The following RB1 variants were observed in gnomAD, a reference collection of about 807,000 sequenced individuals.
RB1 encodes RB transcriptional corepressor 1.
Under a neutral mutation model 135.4 loss-of-function variants are expected in RB1, and 18 were observed. That is an observed-to-expected ratio of 0.13 (90% confidence interval 0.09 to 0.20). The LOEUF (loss-of-function observed/expected upper bound fraction) is 0.20. Ranked by LOEUF, RB1 falls within the 10% of genes least tolerant of loss-of-function variation. The pLI is 1.00. For synonymous variants in RB1, 365 were observed against 373.2 expected (o/e 0.98, Z 0.25); for missense variants, 868 against 1,110.0 (o/e 0.78, Z 3.10).
intron 1 of RB1, among the ~76,000 whole-genome samples, chr13:48,304,733 A>T (rs984102691): frequency 2.6e-5 from 4 of 152,016 alleles, no homozygotes; most frequent in African/African-American, 9.7e-5. Context: ...TTCATGAGAC[A>T]TTTACCAGAA....
chr13:48,304,586 G>C (rs1214576505), intron 1 of RB1, among the ~76,000 whole-genome samples: 2 of 152,072 alleles, frequency 1.3e-5, no homozygotes, highest in Non-Finnish European at 2.9e-5. Context: ...AGTGTCCATT[G>C]CCCACAGGAT....
In RB1 at chr13:48,318,404, G is replaced by T; in HGVS notation, c.264+10998G>T. 6.0e-6 allele frequency: 9 copies of T among 1,501,512 alleles called. No homozygotes were observed. The South Asian group carries it at 1.0e-4, about 18-fold the overall frequency. 93.0% of individuals were successfully genotyped at this position (1,501,512 alleles called of 1,614,324 possible). A position where few individuals can be genotyped will look rare whatever the true frequency, so the allele number is the denominator to read the frequency against. On this transcript the variant is annotated intron_variant, in intron 2 of 26. Transcript: ENST00000267163. ...TGGACCTTAAGTCCTTGATGGCCGTGTCCAGGTCCTCGTCACTGTCCAGGG... is the reference window on the plus strand; with the variant it reads ...TGGACCTTAAGTCCTTGATGGCCGTTTCCAGGTCCTCGTCACTGTCCAGGG...
At chr13:48,477,580 T>C (rs1949512000) in intron 26 of RB1, among the ~76,000 whole-genome samples, 176 bp downstream of exon 26, 1 of 152,214 alleles carries the variant, frequency 6.6e-6, no homozygotes, top group Admixed American at 6.5e-5. Context: ...AAATGTATGA[T>C]GTAAAATGAA....
chr13:48,359,020 A>T (rs74408428), intron 6 of RB1, among the ~76,000 whole-genome samples: 4,301 of 152,164 alleles, frequency 0.028, 104 homozygotes, highest in South Asian at 0.039. Context: ...TTTTCTCACA[A>T]AGTTTCTGCA....
chr13:48,319,700 GA>G lies in RB1; in HGVS notation c.264+12295del, dbSNP rs200422703. The G allele has an allele frequency of 6.4e-3, 1,629 of 256,114 alleles. 35 individuals carry two copies. The highest frequency in any genetic ancestry group is 0.035 in the African/African-American group (1,521 of 43,780). The allele number at this position is 256,114 out of a possible 1,614,324, so 15.9% of individuals were successfully genotyped here. A position where few individuals can be genotyped will look rare whatever the true frequency, so the allele number is the denominator to read the frequency against. ...CGGCTAGCTCTTCGTGGGATTTCAA[GA>G]GTGACTTGGTCGAATTTTCGTTTGG... is the stretch of plus-strand genomic sequence containing the variant. On this transcript the variant is annotated intron_variant, in intron 2 of 26. Coordinates refer to ENST00000267163, the MANE Select transcript of RB1 (RefSeq NM_000321.3). This position sits in a 1 kb window ranked among gnomAD's most constrained non-coding sequence, Gnocchi z 5.0.
chr13:48,431,943 C>T (rs1435042492), intron 17 of RB1, among the ~76,000 whole-genome samples: 2 of 151,986 alleles, frequency 1.3e-5, no homozygotes, highest in Non-Finnish European at 2.9e-5. Flanking sequence ...GTACCAGGTG[C>T]TTTTCTAGGT....
chr13:48,317,148 C>G, intron 2 of RB1: 1 of 842,766 alleles, frequency 1.2e-6, no homozygotes, highest in Non-Finnish European at 1.7e-6. Context: ...CTGGGCCTCC[C>G]TGAAGGCAGA....
At chr13:48,387,317 T>G (rs1487780246) in intron 17 of RB1, among the ~76,000 whole-genome samples, 1 of 152,216 alleles carries the variant, frequency 6.6e-6, no homozygotes, top group Non-Finnish European at 1.5e-5. Flanking sequence ...TATTTTTAAA[T>G]TTTCTCAAGT....
At position 48,303,814 on chromosome 13, in the gene RB1, C is replaced by T. The variant is rs1952049807; in HGVS notation, c.-99C>T. The T allele has an allele frequency of 1.4e-6, 2 of 1,438,812 alleles. No homozygotes were observed. The highest frequency in any genetic ancestry group is 1.5e-5 in the African/African-American group (1 of 67,028). The allele number at this position is 1,438,812 out of a possible 1,614,324, so 89.1% of individuals were successfully genotyped here. A position where few individuals can be genotyped will look rare whatever the true frequency, so the allele number is the denominator to read the frequency against. On this transcript the variant is annotated 5_prime_UTR_variant, in exon 1 of 27. In the 5' UTR this introduces an upstream ATG that the reference lacks. Transcript: ENST00000267163. ...GGGGACGTTGAAATTATTTTTGTAA[C>T]GGGAGTCGGGAGAGGACGGGGCGTG...
At chr13:48,412,021 T>C in intron 17 of RB1, 1 of 1,612,810 alleles carries the variant, frequency 6.2e-7, no homozygotes, top group Non-Finnish European at 8.5e-7. Flanking sequence ...GTGCAAACAA[T>C]CTTTGCATTT....
At chr13:48,330,866 A>G (rs928472270) in intron 2 of RB1, among the ~76,000 whole-genome samples, 5 of 152,234 alleles carry the variant, frequency 3.3e-5, no homozygotes, top group Non-Finnish European at 5.9e-5. Flanking sequence ...ATTATAGGTC[A>G]ATATCCCTGA....
At chr13:48,332,174 A>C (rs946868768) in intron 2 of RB1, among the ~76,000 whole-genome samples, 3 of 152,244 alleles carry the variant, frequency 2.0e-5, no homozygotes, top group Non-Finnish European at 4.4e-5. Context: ...AAAATCTTTA[A>C]AAAGTCAAAT....
chr13:48,319,060 G>T lies in RB1; in HGVS notation c.264+11654G>T. 1 of 623,960 alleles carries T rather than the reference G, an allele frequency of 1.6e-6. No homozygotes were observed. 38.7% of individuals were successfully genotyped at this position (623,960 alleles called of 1,614,324 possible). On this transcript the variant is annotated intron_variant, in intron 2 of 26. Transcript: ENST00000267163. This position sits in a 1 kb window ranked among gnomAD's most constrained non-coding sequence, Gnocchi z 5.0. ...CCGCGCGCGTCAGTTCAGCGGACGTGTCTGCCTGGCACGAGGACCGTTCTA... is the reference window on the plus strand; with the variant it reads ...CCGCGCGCGTCAGTTCAGCGGACGTTTCTGCCTGGCACGAGGACCGTTCTA...
intron 17 of RB1, among the ~76,000 whole-genome samples, chr13:48,401,746 A>C (rs1268347857): frequency 6.6e-6 from 1 of 152,190 alleles, no homozygotes; most frequent in Non-Finnish European, 1.5e-5. Flanking sequence ...ATGATAAGGA[A>C]ACGTAGAATA....
intron 8 of RB1, among the ~76,000 whole-genome samples, chr13:48,363,207 T>G (rs537795385): frequency 4.0e-4 from 61 of 151,312 alleles, no homozygotes; most frequent in Middle Eastern, 3.4e-3. Context: ...AAATGTAGTT[T>G]TTTTTTTTTT....
chr13:48,328,200 G>A (rs1220395213), intron 2 of RB1: 3 of 1,487,336 alleles, frequency 2.0e-6, no homozygotes, highest in East Asian at 4.5e-5. Flanking sequence ...TGATGTTGGT[G>A]TATCCCTTGC....
At chr13:48,374,938 C>G (rs1342862140) in intron 12 of RB1, among the ~76,000 whole-genome samples, 1 of 152,110 alleles carries the variant, frequency 6.6e-6, no homozygotes, top group African/African-American at 2.4e-5. Context: ...ATATTTAGCT[C>G]CCACTCATTA....
At chr13:48,339,266 C>G (rs1746495142) in intron 2 of RB1, among the ~76,000 whole-genome samples, 1 of 152,324 alleles carries the variant, frequency 6.6e-6, no homozygotes, top group South Asian at 2.1e-4. Context: ...GCCCTGCCCC[C>G]AGAGGTGGAA....
At chr13:48,377,819 G>A (rs1040285610) in intron 13 of RB1, among the ~76,000 whole-genome samples, 7 of 152,072 alleles carry the variant, frequency 4.6e-5, no homozygotes, top group Non-Finnish European at 1.0e-4. Flanking sequence ...TGGTATAGCC[G>A]ATTGTACATC....
Sources: allele counts gnomAD v4.1 joint callset (sites outside exome capture counted in the v4.1 genomes callset), GRCh38; gene constraint gnomAD v4.1.1; non-coding constraint Gnocchi (gnomAD v3.1); transcripts MANE v1.5; gene names NCBI Gene and HGNC (gene_info 2026-07-23, HGNC 2026-07-21).